Variants in SH3BP5L observed in about 807,000 individuals in gnomAD.
SH3BP5L encodes the protein SH3 binding domain protein 5 like.
SH3BP5L carries 16 observed loss-of-function variants against 40.9 expected under a neutral mutation model. The observed-to-expected ratio is 0.39, with a 90% CI of 0.27 to 0.59. SH3BP5L has a LOEUF of 0.59. Among genes scored for constraint, SH3BP5L ranks in the 20% least tolerant of loss-of-function variants. The pLI is 0.53. For missense variants in SH3BP5L, 471 were observed against 544.6 expected, an observed-to-expected ratio of 0.86 and a Z score of 1.35; for synonymous variants, 229 against 226.7, an observed-to-expected ratio of 1.01 and a Z score of -0.09.
intron 5 of SH3BP5L, chr1:248,814,057 C>A: frequency 4.8e-6 from 1 of 209,160 alleles, no homozygotes. Context: ...ATAAATTATA[C>A]TTCAAAACTC....
In SH3BP5L at chr1:248,825,339, A is replaced by G; in HGVS notation, c.-404T>C. ...GAGAGAGAAGGCTGGGCCCGAGCTG[A>G]GGCTGTAGGATGAGCGTCTCTGGGG... On this transcript the variant is annotated 5_prime_UTR_variant, in exon 2 of 7. Transcript: ENST00000366472. The G allele has an allele frequency of 1.0e-6, 1 of 1,004,514 alleles. No individual in the cohort carries two copies. The highest frequency in any genetic ancestry group is 1.7e-5 in the African/African-American group (1 of 57,760). The allele number at this position is 1,004,514 out of a possible 1,614,324, so 62.2% of individuals were successfully genotyped here. A position where few individuals can be genotyped will look rare whatever the true frequency, so the allele number is the denominator to read the frequency against.
Position 248,824,910 on chromosome 1 carries a change from C to A in SH3BP5L, c.26G>T (p.Gly9Val). The A allele has an allele frequency of 6.2e-7, 1 of 1,613,758 alleles. No homozygotes were observed. The highest frequency in any genetic ancestry group is 1.3e-5 in the African/African-American group (1 of 75,046). Residue 9 changes from glycine (G) to valine (V), a missense_variant, in exon 2 of 7, where the codon GGA becomes GTA. Transcript: ENST00000366472. ...CTCCCCCTGTGGGGTCTCCCGCCCT[C>A]CTGGAACCTGTCTGAGCTCAGCCAT... MAELRQVP[G>V]GRETPQGELR...
rs1176457679 is a variant in SH3BP5L, at chr1:248,812,089, A to ATCGGTG, written c.987_992dup (p.Asp331_Thr332dup). 6.2e-7 allele frequency: 1 copy of ATCGGTG among 1,612,120 alleles called. No homozygotes were observed. Among genetic ancestry groups the ATCGGTG allele is most frequent in the Non-Finnish European group, 8.5e-7 (1 of 1,179,184 alleles). On this transcript the variant is annotated inframe_insertion, in exon 7 of 7. Transcript: ENST00000366472. This position sits in a 1 kb window ranked among gnomAD's most constrained non-coding sequence, Gnocchi z 6.1. The stretch of plus-strand genomic sequence containing the variant: ...TGCGCAGGCTCAGCAGACTCAGGGT[A>ATCGGTG]TCGGTGTCGGGGGCGGGGCCGGGCC...
chr1:248,819,000 C>T (rs1664182880), intron 2 of SH3BP5L, among the ~76,000 whole-genome samples: 1 of 152,210 alleles, frequency 6.6e-6, no homozygotes, highest in Admixed American at 6.5e-5. Flanking sequence ...TGTTGGCCCC[C>T]ACTCACCTCA....
intron 2 of SH3BP5L, 70 bp from the exon 3 acceptor site, chr1:248,816,954 G>A (rs1206476842): frequency 1.9e-6 from 3 of 1,610,542 alleles, no homozygotes; most frequent in East Asian, 2.2e-5. Context: ...TGCAAGGCAG[G>A]AGCAACACAG....
At chr1:248,823,721 C>T (rs1441555365) in intron 2 of SH3BP5L, among the ~76,000 whole-genome samples, 1 of 152,132 alleles carries the variant, frequency 6.6e-6, no homozygotes, top group Admixed American at 6.5e-5. Flanking sequence ...TGATTTCTTC[C>T]CAACTCACTG....
In SH3BP5L at chr1:248,811,765, G is replaced by A; in HGVS notation, c.*135C>T. On this transcript the variant is annotated 3_prime_UTR_variant, in exon 7 of 7. Coordinates refer to ENST00000366472, the MANE Select transcript of SH3BP5L (RefSeq NM_030645.3). ...GGCAGGCACAGAGGACTCGAACACA[G>A]CTGGCCTCTCCCAGGGAAGCACTGG... 3 of 676,148 alleles carry A rather than the reference G, an allele frequency of 4.4e-6. No homozygotes were observed. Among genetic ancestry groups the A allele is most frequent in the Non-Finnish European group, 4.9e-6 (2 of 408,638 alleles). 41.9% of individuals were successfully genotyped at this position (676,148 alleles called of 1,614,324 possible).
chr1:248,825,901 A>T lies in SH3BP5L; in HGVS notation c.-498T>A. The T allele has an allele frequency of 1.0e-6, 1 of 975,156 alleles. No individual in the cohort carries two copies. Among genetic ancestry groups the T allele is most frequent in the Non-Finnish European group, 1.2e-6 (1 of 822,876 alleles). 60.4% of individuals were successfully genotyped at this position (975,156 alleles called of 1,614,324 possible). A position where few individuals can be genotyped will look rare whatever the true frequency, so the allele number is the denominator to read the frequency against. On this transcript the variant is annotated 5_prime_UTR_variant, in exon 1 of 7. In the 5' UTR this introduces an upstream ATG that the reference lacks. Coordinates refer to ENST00000366472, the MANE Select transcript of SH3BP5L (RefSeq NM_030645.3). The stretch of plus-strand genomic sequence containing the variant: ...CAATCTCCCCCCCTCCCTCCCCGCA[A>T]CAAGCCGATCCAACCAAAAACGACC...
chr1:248,816,677 G>A lies in SH3BP5L; in HGVS notation c.247-15C>T, dbSNP rs761184867. 2 of 1,613,988 alleles carry A rather than the reference G, an allele frequency of 1.2e-6. No individual in the cohort carries two copies. Among genetic ancestry groups the A allele is most frequent in the Non-Finnish European group, 1.7e-6 (2 of 1,180,004 alleles). On this transcript the variant is annotated splice_polypyrimidine_tract_variant and intron_variant, in intron 3 of 6. Coordinates refer to ENST00000366472, the MANE Select transcript of SH3BP5L (RefSeq NM_030645.3). ...GTCCTGGCCTCCTGGAAAGGAACAA[G>A]GCAGAGGAAAGGCACATGTTTGGGT... is the stretch of plus-strand genomic sequence containing the variant.
Position 248,814,447 on chromosome 1 carries a change from A to C in SH3BP5L, c.537+2T>G. 1 of 1,613,962 alleles carries C rather than the reference A, an allele frequency of 6.2e-7. No individual in the cohort carries two copies. On this transcript the variant is annotated splice_donor_variant, in intron 5 of 6. Coordinates refer to ENST00000366472, the MANE Select transcript of SH3BP5L (RefSeq NM_030645.3). LOFTEE classifies it high-confidence loss of function. ...GGGACCTGCTGGCACCGCCCGGCTC[A>C]CCTTGCAGGTAGCATGGTTCAGCAT...
At chr1:248,823,116 T>C (rs1460621238) in intron 2 of SH3BP5L, among the ~76,000 whole-genome samples, 3 of 152,164 alleles carry the variant, frequency 2.0e-5, no homozygotes, top group East Asian at 1.9e-4. Flanking sequence ...ATAGGAGTAG[T>C]AGAGGCCAAG....
chr1:248,812,435 C>T lies in SH3BP5L; in HGVS notation c.712-65G>A. 1.6e-6 allele frequency: 2 copies of T among 1,290,298 alleles called. No individual in the cohort carries two copies. Among genetic ancestry groups the T allele is most frequent in the Non-Finnish European group, 2.2e-6 (2 of 912,456 alleles). 79.9% of individuals were successfully genotyped at this position (1,290,298 alleles called of 1,614,324 possible). On this transcript the variant is annotated intron_variant, in intron 6 of 6. Transcript: ENST00000366472. This position sits in a 1 kb window ranked among gnomAD's most constrained non-coding sequence, Gnocchi z 6.1. ...CGTCTCCACCTTCCTCAGCACTCTG[C>T]ACTGAGGTCTGAGGGCCTGCTCTCC...
chr1:248,825,528 G>A, intron 1 of SH3BP5L, 162 bp from the exon 2 acceptor site: 1 of 328,322 alleles, frequency 3.0e-6, no homozygotes, highest in Non-Finnish European at 4.4e-6. Flanking sequence ...AGCCCTCAAG[G>A]ACTTTAGATT....
rs938116739 is a variant in SH3BP5L at position 248,812,914 on chromosome 1, G to A, written c.711+75C>T. ...CTGGCCACCTCACCAAGATGGCCCAGAGAGGCCGACCAGCATCCCCTCCAG... is the reference window on the plus strand; with the variant it reads ...CTGGCCACCTCACCAAGATGGCCCAAAGAGGCCGACCAGCATCCCCTCCAG... On this transcript the variant is annotated intron_variant, in intron 6 of 6. Coordinates refer to ENST00000366472, the MANE Select transcript of SH3BP5L (RefSeq NM_030645.3). The surrounding 1 kb of genome is among the most constrained non-coding windows in gnomAD (Gnocchi z 6.1). 3.5e-6 allele frequency: 5 copies of A among 1,414,972 alleles called. No homozygotes were observed. The African/African-American group carries it at 5.8e-5, about 16-fold the overall frequency. 87.7% of individuals were successfully genotyped at this position (1,414,972 alleles called of 1,614,324 possible).
Position 248,812,900 on chromosome 1 carries a change from A to T in SH3BP5L, c.711+89T>A. ...CCGGAGGCCTCACCCTGGCCACCTCACCAAGATGGCCCAGAGAGGCCGACC... is the reference window on the plus strand; with the variant it reads ...CCGGAGGCCTCACCCTGGCCACCTCTCCAAGATGGCCCAGAGAGGCCGACC... On this transcript the variant is annotated intron_variant, in intron 6 of 6. Transcript: ENST00000366472. This position sits in a 1 kb window ranked among gnomAD's most constrained non-coding sequence, Gnocchi z 6.1. 1 of 1,268,674 alleles carries T rather than the reference A, an allele frequency of 7.9e-7. No homozygotes were observed. The highest frequency in any genetic ancestry group is 1.1e-6 in the Non-Finnish European group (1 of 922,514). The allele number at this position is 1,268,674 out of a possible 1,614,324, so 78.6% of individuals were successfully genotyped here.
rs770104352 is a variant in SH3BP5L at position 248,825,064 on chromosome 1, G to T, written c.-129C>A. 6.2e-5 allele frequency: 89 copies of T among 1,438,146 alleles called. No homozygotes were observed. Among genetic ancestry groups the T allele is most frequent in the Non-Finnish European group, 7.5e-5 (83 of 1,101,534 alleles). The allele number at this position is 1,438,146 out of a possible 1,614,324, so 89.1% of individuals were successfully genotyped here. A position where few individuals can be genotyped will look rare whatever the true frequency, so the allele number is the denominator to read the frequency against. Reference sequence around the variant, plus strand: ...GTTTCTCTTCTCAAAAGGCAGAAAAGGTGGGCACAGGAAGAACCTCACACT... The same window carrying T: ...GTTTCTCTTCTCAAAAGGCAGAAAATGTGGGCACAGGAAGAACCTCACACT... On this transcript the variant is annotated 5_prime_UTR_variant, in exon 2 of 7. Coordinates refer to ENST00000366472, the MANE Select transcript of SH3BP5L (RefSeq NM_030645.3).
Position 248,821,724 on chromosome 1 carries a change from A to C in SH3BP5L, c.183+3029T>G, listed in dbSNP as rs548235497. 6.6e-6 allele frequency among the ~76,000 whole-genome samples: 1 copy of C among 151,944 alleles called. No individual in the cohort carries two copies. The highest frequency in any genetic ancestry group is 2.4e-5 in the African/African-American group (1 of 41,428). ...GGAAAGCTGAGGATGAGCCTGGAGG[A>C]CTCAAAAGAACTCCACTAAGATCAT... On this transcript the variant is annotated intron_variant, in intron 2 of 6. Transcript: ENST00000366472. The surrounding 1 kb of genome is among the most constrained non-coding windows in gnomAD (Gnocchi z 4.6).
chr1:248,818,159 C>T (rs1175211750), intron 2 of SH3BP5L, among the ~76,000 whole-genome samples: 7 of 151,882 alleles, frequency 4.6e-5, no homozygotes, highest in Admixed American at 4.6e-4. Flanking sequence ...ACCGGCCTGG[C>T]CAACATGGTG....
intron 4 of SH3BP5L, among the ~76,000 whole-genome samples, chr1:248,815,344 C>A (rs1036339117): frequency 3.9e-5 from 6 of 152,096 alleles, no homozygotes; most frequent in Non-Finnish European, 7.4e-5. Context: ...TGACATGGAA[C>A]CATGTCATAA....
Sources: gnomAD v4.1 joint callset for allele counts (sites outside exome capture counted in the v4.1 genomes callset) on GRCh38, gnomAD v4.1.1 for gene constraint, Gnocchi (gnomAD v3.1) non-coding constraint, MANE v1.5 for transcripts, NCBI Gene and HGNC (gene_info 2026-07-23, HGNC 2026-07-21) for gene names.